Variants in ECRG4 observed in about 807,000 individuals in gnomAD.
ECRG4 encodes augurin.
In ECRG4, 18 loss-of-function variants were observed where a neutral mutation model predicts 15.8. The ratio of observed to expected loss-of-function variants is 1.14; its 90% CI spans 0.79 to 1.69. The LOEUF is 1.69. ECRG4 is among the 40% of genes most tolerant of loss of function. The probability of loss-of-function intolerance (pLI) is 0.00; values close to 1 mark genes in which losing one functional copy is unlikely to be tolerated. For missense variants in ECRG4, 200 were observed against 190.9 expected (o/e 1.05, Z -0.28); for synonymous variants, 82 against 73.9 (o/e 1.11, Z -0.56).
chr2:106,076,241 C>T (rs904290861), intron 3 of ECRG4, among the ~76,000 whole-genome samples: 2 of 152,044 alleles, frequency 1.3e-5, no homozygotes, highest in Non-Finnish European at 2.9e-5. Context: ...CCGCTTGAAC[C>T]TGGTGGGGGG....
chr2:106,075,871 G>A (rs1397178691), intron 3 of ECRG4, among the ~76,000 whole-genome samples: 1 of 152,196 alleles, frequency 6.6e-6, no homozygotes, highest in East Asian at 1.9e-4. Context: ...AGTGTCACTA[G>A]TGGTCTCTGG....
At chr2:106,076,270 G>GCA (rs1676484564) in intron 3 of ECRG4, among the ~76,000 whole-genome samples, 2 of 152,296 alleles carry the variant, frequency 1.3e-5, no homozygotes, top group Admixed American at 1.3e-4. Context: ...GCAGTGAGCT[G>GCA]AGATCATGCC....
At chr2:106,076,406 A>AG (rs144182975) in intron 3 of ECRG4, among the ~76,000 whole-genome samples, 3,797 of 152,300 alleles carry the variant, frequency 0.025, 174 homozygotes, top group African/African-American at 0.084. Context: ...GTATTATGGG[A>AG]AAGCAAAACT....
At chr2:106,069,006 G>A (rs1054063717) in intron 1 of ECRG4, among the ~76,000 whole-genome samples, 2 of 152,162 alleles carry the variant, frequency 1.3e-5, no homozygotes, top group African/African-American at 4.8e-5. Flanking sequence ...GTCTATCTGG[G>A]CGTTAGAAAC....
intron 1 of ECRG4, among the ~76,000 whole-genome samples, chr2:106,069,152 CTT>C (rs1429331790): frequency 8.6e-6 from 1 of 116,782 alleles, no homozygotes; most frequent in Non-Finnish European, 1.8e-5. Context: ...TCTTTCTTTT[CTT>C]TCTTTCTTTC....
Position 106,073,905 on chromosome 2 carries a change from T to A in ECRG4, c.147T>A (p.Thr49=). The A allele has an allele frequency of 6.2e-7, 1 of 1,614,228 alleles. No homozygotes were observed. Among genetic ancestry groups the A allele is most frequent in the Admixed American group, 1.7e-5 (1 of 60,026 alleles). ...TTTCAGCACCTGTTCCAACTAAGAC[T>A]AAAGTGGCCGTTGATGAGAATAAAG... ...QKREAPVPTK[T]KVAVDENKAK... is the part of the protein sequence containing the mutation. Residue 49 remains threonine, a synonymous_variant, in exon 3 of 4, where the codon ACT becomes ACA. Transcript: ENST00000238044.
Position 106,071,879 on chromosome 2 carries a change from C to CA in ECRG4, c.120dup (p.Arg41ThrfsTer8), listed in dbSNP as rs760633355. 1 of 1,613,454 alleles carries CA rather than the reference C, an allele frequency of 6.2e-7. No individual in the cohort carries two copies. Among genetic ancestry groups the CA allele is most frequent in the Non-Finnish European group, 8.5e-7 (1 of 1,179,518 alleles). ...TGGAAATAAACTCAAGCTGATGCTT[C>CA]AAAAACGAGAAGGTAAATATACCCC... On this transcript the variant is annotated frameshift_variant, in exon 2 of 4. Transcript: ENST00000238044. LOFTEE classifies it high-confidence loss of function.
chr2:106,065,864 CTGAT>C, intron 1 of ECRG4, 21 bp downstream of exon 1: 2 of 1,464,662 alleles, frequency 1.4e-6, no homozygotes, highest in South Asian at 2.7e-5. Flanking sequence ...CGATGCCAGG[CTGAT>C]TGATAGCGGC....
intron 2 of ECRG4, among the ~76,000 whole-genome samples, chr2:106,072,705 G>T (rs989034404): frequency 6.6e-6 from 1 of 152,196 alleles, no homozygotes; most frequent in African/African-American, 2.4e-5. Context: ...ACAGGCTTGG[G>T]GCGGTCCCAG....
chr2:106,073,827 C>CTGTTATATAT (rs1170999070), intron 2 of ECRG4, 59 bp from the exon 3 acceptor site: 1 of 1,594,612 alleles, frequency 6.3e-7, no homozygotes, highest in African/African-American at 1.3e-5. Flanking sequence ...AGGGATTCAC[C>CTGTTATATAT]GCAAGTGAGG....
chr2:106,063,779 A>G (rs1321262157), upstream of ECRG4, among the ~76,000 whole-genome samples: 1 of 152,074 alleles, frequency 6.6e-6, no homozygotes, highest in Non-Finnish European at 1.5e-5. Context: ...AGGGAGTTTC[A>G]CCATGTTGGT....
upstream of ECRG4, among the ~76,000 whole-genome samples, chr2:106,063,825 G>T (rs1345858713): frequency 1.3e-5 from 2 of 152,140 alleles, no homozygotes; most frequent in African/African-American, 2.4e-5. Context: ...CAAGTGATCT[G>T]CCCTCCTCAG....
intron 1 of ECRG4, among the ~76,000 whole-genome samples, chr2:106,066,076 T>A (rs1054770514): frequency 6.6e-6 from 1 of 151,670 alleles, no homozygotes; most frequent in African/African-American, 2.4e-5. Flanking sequence ...AAGGGGAGGG[T>A]CTCAGATCTC....
chr2:106,077,762 C>T lies in ECRG4; in HGVS notation c.286-3C>T. On this transcript the variant is annotated splice_region_variant and splice_polypyrimidine_tract_variant and intron_variant, in intron 3 of 3. Coordinates refer to ENST00000238044, the MANE Select transcript of ECRG4 (RefSeq NM_032411.3). ...CTCTATCATTCTCTCTCTTTTCCTC[C>T]AGAAATTTGAAGATGACATCACCTA... 2.5e-6 allele frequency: 4 copies of T among 1,613,376 alleles called. No individual in the cohort carries two copies. Among genetic ancestry groups the T allele is most frequent in the Non-Finnish European group, 2.5e-6 (3 of 1,179,518 alleles).
chr2:106,065,844 G>C lies in ECRG4; in HGVS notation c.79+1G>C, dbSNP rs1320655008. The C allele has an allele frequency of 6.8e-7, 1 of 1,479,490 alleles. No homozygotes were observed. The highest frequency in any genetic ancestry group is 2.5e-5 in the Admixed American group (1 of 40,154). 91.6% of individuals were successfully genotyped at this position (1,479,490 alleles called of 1,614,324 possible). The stretch of plus-strand genomic sequence containing the variant: ...CTCCTGCTCCTGTGCTGGGGCCCAG[G>C]TGAGCGGGGCGATGCCAGGCTGATT... On this transcript the variant is annotated splice_donor_variant, in intron 1 of 3. Coordinates refer to ENST00000238044, the MANE Select transcript of ECRG4 (RefSeq NM_032411.3). LOFTEE classifies it high-confidence loss of function.
chr2:106,078,015 C>T lies in ECRG4; in HGVS notation c.*89C>T. 7.7e-7 allele frequency: 1 copy of T among 1,299,530 alleles called. No homozygotes were observed. The highest frequency in any genetic ancestry group is 1.5e-5 in the African/African-American group (1 of 67,312). The allele number at this position is 1,299,530 out of a possible 1,614,324, so 80.5% of individuals were successfully genotyped here. ...CTTACACTACTTGGTTTCTGATTTG[C>T]TCTATTTCAGCAGATCTTTTCTACC... On this transcript the variant is annotated 3_prime_UTR_variant, in exon 4 of 4. Coordinates refer to ENST00000238044, the MANE Select transcript of ECRG4 (RefSeq NM_032411.3).
At chr2:106,065,979 AG>A (rs1676205899) in intron 1 of ECRG4, 136 bp downstream of exon 1, 3 of 736,460 alleles carry the variant, frequency 4.1e-6, no homozygotes, top group Admixed American at 4.2e-5. Context: ...GGCAGGGCCA[AG>A]GGGTGGTAGA....
At chr2:106,071,384 A>AT (rs1392065400) in intron 1 of ECRG4, among the ~76,000 whole-genome samples, 2 of 151,448 alleles carry the variant, frequency 1.3e-5, no homozygotes, top group African/African-American at 4.9e-5. Flanking sequence ...AATAAAAAAA[A>AT]AATAAAAATC....
upstream of ECRG4, chr2:106,063,414 G>GT (rs1185455230): frequency 2.0e-5 from 3 of 152,310 alleles, no homozygotes; most frequent in African/African-American, 7.2e-5. Context: ...GACTAAGACA[G>GT]TAAGTAAATA....
Sources: gnomAD v4.1 joint callset for allele counts (sites outside exome capture counted in the v4.1 genomes callset) on GRCh38, gnomAD v4.1.1 for gene constraint, MANE v1.5 for transcripts, NCBI Gene and HGNC (gene_info 2026-07-23, HGNC 2026-07-21) for gene names.